The following CTNNA3 variants were observed in gnomAD, a reference collection of about 807,000 sequenced individuals.
The protein encoded by CTNNA3 is catenin alpha 3.
Under a neutral mutation model 95.7 loss-of-function variants are expected in CTNNA3, and 76 were observed. The observed-to-expected ratio is 0.79, with a 90% confidence interval of 0.66 to 0.96. CTNNA3 has a LOEUF of 0.96. CTNNA3 is among the 40% of genes least tolerant of loss of function. The pLI is 0.00. For missense variants in CTNNA3, 1,191 were observed against 1,089.8 expected, an observed-to-expected ratio of 1.09 and a Z score of -1.31; for synonymous variants, 431 against 374.4, an observed-to-expected ratio of 1.15 and a Z score of -1.74.
chr10:66,383,506 A>C lies in CTNNA3; in HGVS notation c.1532-4154T>G, dbSNP rs184704663. ...GAAAGTGATGGGAAGAATGGAACCC[A>C]GTTGGAAAACACTCTGCAGGATATT... On this transcript the variant is annotated intron_variant, in intron 11 of 17. Transcript: ENST00000433211. 3.9e-5 allele frequency among the ~76,000 whole-genome samples: 6 copies of C among 152,328 alleles called. No homozygotes were observed. The East Asian group carries it at 9.7e-4, about 25-fold the overall frequency.
intron 15 of CTNNA3, among the ~76,000 whole-genome samples, chr10:66,018,863 A>G (rs1407361978): frequency 6.6e-6 from 1 of 152,068 alleles, no homozygotes. Context: ...AGGAAAAAAA[A>G]TAGGAAGTGA....
At chr10:67,387,498 A>T (rs61866918) in intron 5 of CTNNA3, among the ~76,000 whole-genome samples, 11 of 152,334 alleles carry the variant, frequency 7.2e-5, no homozygotes, top group Admixed American at 2.0e-4. Flanking sequence ...CGCCCACCAT[A>T]GCCCAGGCTT....
intron 8 of CTNNA3, among the ~76,000 whole-genome samples, chr10:66,769,436 T>C (rs966811579): frequency 1.5e-4 from 23 of 152,334 alleles, no homozygotes; most frequent in Non-Finnish European, 2.9e-4. Context: ...CCTGTCTAAC[T>C]TGCTGGTTCC....
intron 13 of CTNNA3, among the ~76,000 whole-genome samples, chr10:66,181,670 C>T (rs1409502937): frequency 6.6e-6 from 1 of 152,034 alleles, no homozygotes; most frequent in Non-Finnish European, 1.5e-5. Context: ...CTGAACACAC[C>T]CTGAGAAGTA....
chr10:66,616,321 T>C (rs758904052), intron 10 of CTNNA3, among the ~76,000 whole-genome samples: 6 of 152,090 alleles, frequency 3.9e-5, no homozygotes, highest in Non-Finnish European at 7.4e-5. Context: ...CCTGTCAGGA[T>C]AGCTCTGTTA....
intron 11 of CTNNA3, among the ~76,000 whole-genome samples, chr10:66,385,073 G>C (rs2092878197): frequency 6.6e-6 from 1 of 152,006 alleles, no homozygotes; most frequent in Non-Finnish European, 1.5e-5. Flanking sequence ...CTAGCAGAAG[G>C]CAAGAAATAA....
At chr10:66,239,483 G>A (rs962292601) in intron 13 of CTNNA3, among the ~76,000 whole-genome samples, 5 of 151,660 alleles carry the variant, frequency 3.3e-5, no homozygotes, top group Non-Finnish European at 7.4e-5. Context: ...GCCTCTTTCA[G>A]AAACTGTGTT....
At chr10:66,036,895 C>G (rs1297231813) in intron 15 of CTNNA3, among the ~76,000 whole-genome samples, 12 of 101,194 alleles carry the variant, frequency 1.2e-4, no homozygotes, top group Admixed American at 1.5e-4. Flanking sequence ...TTTTTTGAGA[C>G]TGAGTCTCGC....
At chr10:66,346,242 TATATAGAGAG>T (rs2092516022) in intron 12 of CTNNA3, among the ~76,000 whole-genome samples, 1 of 8,866 alleles carries the variant, frequency 1.1e-4, no homozygotes, top group African/African-American at 4.0e-4. Context: ...TATATATATA[TATATAGAGAG>T]AGAGAGAGAG....
intron 11 of CTNNA3, among the ~76,000 whole-genome samples, chr10:66,395,064 C>T (rs1455636088): frequency 2.0e-5 from 3 of 151,912 alleles, no homozygotes; most frequent in Non-Finnish European, 2.9e-5. Context: ...ATTATCTTTA[C>T]TACCTTCGAA....
At chr10:67,590,554 T>C (rs189870211) in intron 3 of CTNNA3, among the ~76,000 whole-genome samples, 19 of 152,236 alleles carry the variant, frequency 1.2e-4, no homozygotes, top group Admixed American at 1.2e-3. Context: ...AAAGTCTTTC[T>C]AACATATGGT....
chr10:66,677,371 TA>T (rs1846896147), intron 9 of CTNNA3, among the ~76,000 whole-genome samples: 1 of 149,374 alleles, frequency 6.7e-6, no homozygotes, highest in Non-Finnish European at 1.5e-5. Context: ...AAAAATGAAA[TA>T]AAAAATAATT....
At chr10:66,902,508 G>A (rs577336337) in intron 7 of CTNNA3, among the ~76,000 whole-genome samples, 2 of 152,120 alleles carry the variant, frequency 1.3e-5, no homozygotes, top group Non-Finnish European at 2.9e-5. Context: ...AAAGCTAGCA[G>A]AAGGCTAAAA....
chr10:66,202,022 G>T (rs1343470513), intron 13 of CTNNA3, among the ~76,000 whole-genome samples: 1 of 151,918 alleles, frequency 6.6e-6, no homozygotes, highest in South Asian at 2.1e-4. Flanking sequence ...CCTGACCTCA[G>T]GTGATCCAGC....
intron 13 of CTNNA3, among the ~76,000 whole-genome samples, chr10:66,173,143 G>T (rs1240908074): frequency 6.6e-6 from 1 of 152,104 alleles, no homozygotes; most frequent in Non-Finnish European, 1.5e-5. Flanking sequence ...TATTAGAAGG[G>T]TTTCACTAAG....
intron 12 of CTNNA3, among the ~76,000 whole-genome samples, chr10:66,366,217 G>A (rs1220967930): frequency 6.6e-6 from 1 of 152,136 alleles, no homozygotes; most frequent in African/African-American, 2.4e-5. Context: ...AAAAGGCTGA[G>A]TCAGTACTCA....
chr10:65,916,587 T>C lies in CTNNA3; in HGVS notation c.*3743A>G, dbSNP rs1165408483. 6.6e-6 allele frequency: 1 copy of C among 152,134 alleles called. No individual in the cohort carries two copies. The highest frequency in any genetic ancestry group is 2.4e-5 in the African/African-American group (1 of 41,434). The allele number at this position is 152,134 out of a possible 1,614,324, so 9.4% of individuals were successfully genotyped here. A position where few individuals can be genotyped will look rare whatever the true frequency, so the allele number is the denominator to read the frequency against. On this transcript the variant is annotated 3_prime_UTR_variant, in exon 18 of 18. Transcript: ENST00000433211. ...CAAAATTTAAGAATGTTTTGGGGAA[T>C]AGAAAGACTAAAGGAATAATGTTGC...
At chr10:67,014,407 A>G (rs1173212718) in intron 7 of CTNNA3, among the ~76,000 whole-genome samples, 1 of 152,168 alleles carries the variant, frequency 6.6e-6, no homozygotes, top group Non-Finnish European at 1.5e-5. Context: ...GAGATTATGG[A>G]CTATATAACT....
intron 5 of CTNNA3, among the ~76,000 whole-genome samples, chr10:67,328,935 T>A (rs1411829390): frequency 6.6e-6 from 1 of 152,224 alleles, no homozygotes; most frequent in East Asian, 1.9e-4. Context: ...ACTTTTTCAT[T>A]GTACCATAAA....
Sources: allele counts gnomAD v4.1 joint callset (sites outside exome capture counted in the v4.1 genomes callset), GRCh38; gene constraint gnomAD v4.1.1; transcripts MANE v1.5; gene names NCBI Gene and HGNC (gene_info 2026-07-23, HGNC 2026-07-21).